MRTFB: variants seen among roughly 807,000 people sequenced by gnomAD.
MRTFB encodes the protein myocardin-related transcription factor B.
A neutral mutation model predicts 104.2 loss-of-function variants in MRTFB; 29 were observed. The observed-to-expected ratio is 0.28, with a 90% CI of 0.21 to 0.38. MRTFB has a LOEUF of 0.38. MRTFB is among the 10% of genes least tolerant of loss of function. The pLI is 1.00. For synonymous variants in MRTFB, 535 were observed against 519.5 expected, an observed-to-expected ratio of 1.03 and a Z score of -0.41; for missense variants, 1,270 against 1,341.6, an observed-to-expected ratio of 0.95 and a Z score of 0.83.
chr16:14,166,755 G>A (rs2039257830), intron 3 of MRTFB, among the ~76,000 whole-genome samples: 1 of 151,168 alleles, frequency 6.6e-6, no homozygotes, highest in South Asian at 2.1e-4. Context: ...GTGAAAACAT[G>A]GTATGTTTGA....
intron 2 of MRTFB, among the ~76,000 whole-genome samples, chr16:14,129,556 A>G (rs773640178): frequency 1.3e-5 from 2 of 152,208 alleles, no homozygotes; most frequent in Non-Finnish European, 2.9e-5. Flanking sequence ...TCTTTGGTAG[A>G]TACGTAGGAG....
chr16:14,059,197 T>G, the MRTFB span, among the ~76,000 whole-genome samples: 1 of 152,146 alleles, frequency 6.6e-6, no homozygotes, highest in Admixed American at 6.6e-5. Context: ...TATCTAGCAC[T>G]TCAAACATTT....
chr16:14,000,305 T>C, the MRTFB span, among the ~76,000 whole-genome samples: 2 of 152,186 alleles, frequency 1.3e-5, no homozygotes, highest in Non-Finnish European at 2.9e-5. Flanking sequence ...GGAGGACGCA[T>C]AGGTCATTGA....
chr16:14,251,430 A>T (rs1305672133), intron 13 of MRTFB, among the ~76,000 whole-genome samples: 2 of 150,802 alleles, frequency 1.3e-5, no homozygotes, highest in East Asian at 3.9e-4. Flanking sequence ...CACCTTAGAG[A>T]GGAATAGAAG....
At chr16:14,150,167 G>A (rs1286099153) in intron 3 of MRTFB, among the ~76,000 whole-genome samples, 1 of 152,172 alleles carries the variant, frequency 6.6e-6, no homozygotes, top group Non-Finnish European at 1.5e-5. Flanking sequence ...GGACCAATTA[G>A]TTACCTTCCC....
chr16:14,257,994 C>A, intron 15 of MRTFB, 107 bp from the exon 16 acceptor site: 4 of 948,368 alleles, frequency 4.2e-6, no homozygotes, highest in African/African-American at 1.6e-5. Flanking sequence ...AAAATTATCA[C>A]GATAGATTAG....
At chr16:14,012,567 G>A in the MRTFB span, among the ~76,000 whole-genome samples, 1 of 151,888 alleles carries the variant, frequency 6.6e-6, no homozygotes, top group Non-Finnish European at 1.5e-5. Context: ...CAAAGTGCTG[G>A]GATAACAGGC....
At chr16:14,052,143 ATGGGGGGG>A in the MRTFB span, among the ~76,000 whole-genome samples, 1 of 148,910 alleles carries the variant, frequency 6.7e-6, no homozygotes, top group East Asian at 1.9e-4. Context: ...AGGGTTTTGC[ATGGGGGGG>A]TGCTGATGTT....
chr16:14,032,539 A>G, the MRTFB span, among the ~76,000 whole-genome samples: 2 of 152,104 alleles, frequency 1.3e-5, no homozygotes, highest in Non-Finnish European at 2.9e-5. Context: ...TGCAAGCGTC[A>G]AGTAAATATT....
At chr16:14,225,996 T>G (rs1480363472) in intron 8 of MRTFB, among the ~76,000 whole-genome samples, 2 of 152,170 alleles carry the variant, frequency 1.3e-5, no homozygotes, top group African/African-American at 4.8e-5. Flanking sequence ...TAGTTTTGTT[T>G]CAAGATGGCA....
rs773462738 is a variant in MRTFB at position 14,252,316 on chromosome 16, G to C, written c.2566-49G>C. ...AGAGCCGAGTCTAGCCAGGAAAAGA[G>C]AGGTTTATTGCCAAGAGGTAATGTG... On this transcript the variant is annotated intron_variant, in intron 14 of 16. Coordinates refer to ENST00000571589, the MANE Select transcript of MRTFB (RefSeq NM_001308142.2). The C allele has an allele frequency of 2.5e-6, 4 of 1,587,226 alleles. No individual in the cohort carries two copies. In the South Asian group the frequency reaches 4.6e-5, roughly 18 times the overall value.
chr16:14,204,479 A>G (rs1447568633), intron 3 of MRTFB, among the ~76,000 whole-genome samples: 3 of 152,194 alleles, frequency 2.0e-5, no homozygotes, highest in African/African-American at 7.2e-5. Context: ...TCAGTTTATC[A>G]TTGGATAAGC....
chr16:14,077,171 C>T (rs959116964), intron 1 of MRTFB, among the ~76,000 whole-genome samples: 2 of 152,148 alleles, frequency 1.3e-5, no homozygotes, highest in African/African-American at 2.4e-5. Flanking sequence ...CTGGATTTTA[C>T]GTCAAAGGCC....
chr16:14,125,653 T>G (rs1343966395), intron 2 of MRTFB, among the ~76,000 whole-genome samples: 1 of 152,240 alleles, frequency 6.6e-6, no homozygotes, highest in Non-Finnish European at 1.5e-5. Flanking sequence ...CTTTTTCTTT[T>G]TGGAATAACT....
In MRTFB at chr16:14,262,119, A is replaced by ATACC. The variant is rs1209051320; in HGVS notation, c.*679_*682dup. On this transcript the variant is annotated 3_prime_UTR_variant, in exon 17 of 17. Transcript: ENST00000571589. The stretch of plus-strand genomic sequence containing the variant: ...CAAGATCTTTCAACATAAACAGAAG[A>ATACC]TACCTACAAAATACTGTCAGAAGTC... 1 of 152,236 alleles carries ATACC rather than the reference A, an allele frequency of 6.6e-6. No individual in the cohort carries two copies. The highest frequency in any genetic ancestry group is 2.4e-5 in the African/African-American group (1 of 41,460). The allele number at this position is 152,236 out of a possible 1,614,324, so 9.4% of individuals were successfully genotyped here. A position where few individuals can be genotyped will look rare whatever the true frequency, so the allele number is the denominator to read the frequency against.
chr16:14,082,974 C>G (rs964628630), intron 2 of MRTFB, among the ~76,000 whole-genome samples: 3 of 152,006 alleles, frequency 2.0e-5, no homozygotes, highest in Non-Finnish European at 4.4e-5. Context: ...TAAAAGCATT[C>G]TTTTGATCCG....
At chr16:14,031,899 C>T in the MRTFB span, among the ~76,000 whole-genome samples, 1 of 152,266 alleles carries the variant, frequency 6.6e-6, no homozygotes, top group Admixed American at 6.5e-5. Context: ...CCTCCGTCTC[C>T]CGGGTTCATG....
chr16:14,188,482 AAT>A (rs1414355380), intron 3 of MRTFB, among the ~76,000 whole-genome samples: 2 of 152,222 alleles, frequency 1.3e-5, no homozygotes, highest in Non-Finnish European at 2.9e-5. Flanking sequence ...AAGGATTAAA[AAT>A]ATAAAAACAG....
intron 8 of MRTFB, among the ~76,000 whole-genome samples, chr16:14,228,421 A>G (rs540632338): frequency 1.4e-4 from 22 of 152,234 alleles, no homozygotes; most frequent in African/African-American, 5.3e-4. Context: ...CTAAAAATAG[A>G]AAAATTAGCT....
Sources: allele counts gnomAD v4.1 joint callset (sites outside exome capture counted in the v4.1 genomes callset), GRCh38; gene constraint gnomAD v4.1.1; transcripts MANE v1.5; gene names NCBI Gene and HGNC (gene_info 2026-07-23, HGNC 2026-07-21).